Variants in GSG1L observed in about 807,000 individuals in gnomAD.
GSG1L encodes the protein germ cell-specific gene 1-like protein.
In GSG1L, 24 loss-of-function variants were observed where a neutral mutation model predicts 42.1. That is an observed-to-expected ratio of 0.57 (90% CI 0.41 to 0.80). The LOEUF (loss-of-function observed/expected upper bound fraction) is 0.80, where lower values mean the gene tolerates loss of function less well. GSG1L is among the 30% of genes least tolerant of loss of function. The probability of loss-of-function intolerance (pLI) is 0.00; values close to 1 mark genes in which losing one functional copy is unlikely to be tolerated. For synonymous variants in GSG1L, 215 were observed against 203.5 expected (o/e 1.06, Z -0.48); for missense variants, 445 against 472.2 (o/e 0.94, Z 0.53).
At chr16:28,008,222 G>T (rs573202841) in intron 1 of GSG1L, among the ~76,000 whole-genome samples, 4 of 152,246 alleles carry the variant, frequency 2.6e-5, no homozygotes, top group Admixed American at 2.0e-4. Context: ...TGGGACTACA[G>T]GTGTGCACCA....
At chr16:27,962,081 T>C (rs1205901411) in intron 2 of GSG1L, among the ~76,000 whole-genome samples, 1 of 152,196 alleles carries the variant, frequency 6.6e-6, no homozygotes. Context: ...TGTTTCACTC[T>C]TGGCAGCCTA....
intron 3 of GSG1L, among the ~76,000 whole-genome samples, chr16:27,861,585 A>G (rs2083652687): frequency 6.6e-6 from 1 of 152,096 alleles, no homozygotes; most frequent in South Asian, 2.1e-4. Flanking sequence ...AGAGCATTGG[A>G]AACACCCTGA....
intron 1 of GSG1L, among the ~76,000 whole-genome samples, chr16:28,013,823 G>A (rs1947113311): frequency 6.6e-6 from 1 of 152,238 alleles, no homozygotes; most frequent in African/African-American, 2.4e-5. Flanking sequence ...AGGAGGCATG[G>A]CCATGCAAAG....
intron 1 of GSG1L, among the ~76,000 whole-genome samples, chr16:27,968,615 C>A (rs2085159815): frequency 6.6e-6 from 1 of 152,088 alleles, no homozygotes; most frequent in Non-Finnish European, 1.5e-5. Flanking sequence ...GGCCCAAGAC[C>A]TTTATAGAAG....
chr16:27,961,628 C>T (rs960446157), intron 2 of GSG1L, among the ~76,000 whole-genome samples: 11 of 152,264 alleles, frequency 7.2e-5, no homozygotes, highest in Non-Finnish European at 1.2e-4. Context: ...GCACTGTATC[C>T]GGCACATAGT....
intron 2 of GSG1L, among the ~76,000 whole-genome samples, chr16:27,910,046 A>G (rs1596606009): frequency 7.6e-6 from 1 of 131,416 alleles, no homozygotes; most frequent in African/African-American, 2.9e-5. Context: ...TGCAACCTCC[A>G]CCTCCCAGGT....
chr16:27,985,170 C>G (rs944506333), intron 1 of GSG1L, among the ~76,000 whole-genome samples: 5 of 152,106 alleles, frequency 3.3e-5, no homozygotes, highest in Non-Finnish European at 7.3e-5. Context: ...TCCTGTGCCC[C>G]TGAGACCCTG....
chr16:27,998,260 T>C (rs1470208282), intron 1 of GSG1L: 1 of 152,214 alleles, frequency 6.6e-6, no homozygotes, highest in Non-Finnish European at 1.5e-5. Context: ...AGAGTCTGGT[T>C]TTCTATTCCA....
At chr16:28,013,529 C>A (rs557318934) in intron 1 of GSG1L, among the ~76,000 whole-genome samples, 1 of 152,158 alleles carries the variant, frequency 6.6e-6, no homozygotes, top group Non-Finnish European at 1.5e-5. Flanking sequence ...TGTTACTAGA[C>A]CCTGTTGCCC....
chr16:28,035,513 A>C (rs1459473095), intron 1 of GSG1L, among the ~76,000 whole-genome samples: 1 of 152,188 alleles, frequency 6.6e-6, no homozygotes, highest in African/African-American at 2.4e-5. Context: ...CATGTACCCC[A>C]TCACAAGAGC....
intron 1 of GSG1L, among the ~76,000 whole-genome samples, chr16:28,053,830 C>T (rs2086247328): frequency 6.6e-6 from 1 of 152,202 alleles, no homozygotes; most frequent in South Asian, 2.1e-4. Context: ...TGTCTCATTG[C>T]TGCTCTCTGC....
chr16:27,956,162 A>C lies in GSG1L; in HGVS notation c.397+6994T>G, dbSNP rs114479320. On this transcript the variant is annotated intron_variant, in intron 2 of 6. Transcript: ENST00000447459. ...ATAGTTGGTTAATCTGGAAGGTTTCATGACTGTTAATAGTTATATATTTTT... is the reference window on the plus strand; with the variant it reads ...ATAGTTGGTTAATCTGGAAGGTTTCCTGACTGTTAATAGTTATATATTTTT... Among the ~76,000 whole-genome samples, 875 of 152,360 alleles carry C rather than the reference A, an allele frequency of 5.7e-3. 6 individuals are homozygous for C. Among genetic ancestry groups the C allele is most frequent in the African/African-American group, 0.02 (832 of 41,592 alleles).
intron 6 of GSG1L, among the ~76,000 whole-genome samples, chr16:27,802,089 T>A (rs999035131): frequency 1.3e-5 from 2 of 151,992 alleles, no homozygotes; most frequent in Non-Finnish European, 1.5e-5. Flanking sequence ...TCATCCTGAG[T>A]GGGATGAGGC....
rs1168789021 is a variant in GSG1L at position 27,812,973 on chromosome 16, T to A, written c.831-5419A>T. On this transcript the variant is annotated intron_variant, in intron 5 of 6. Coordinates refer to ENST00000447459, the MANE Select transcript of GSG1L (RefSeq NM_001109763.2). ...TTTTGTAGTTTTAGTAGAGACGGGG[T>A]TTCACCATGCTGCCCAGGCTGGTCT... Among the ~76,000 whole-genome samples the A allele has an allele frequency of 3.3e-5, 5 of 151,824 alleles. No individual in the cohort carries two copies. The South Asian group carries it at 1.0e-3, about 32-fold the overall frequency.
At chr16:27,873,446 C>T (rs2083847916) in intron 3 of GSG1L, among the ~76,000 whole-genome samples, 1 of 152,140 alleles carries the variant, frequency 6.6e-6, no homozygotes, top group African/African-American at 2.4e-5. Context: ...TGTTACCTTC[C>T]AAAATCTAAA....
intron 4 of GSG1L, among the ~76,000 whole-genome samples, chr16:27,838,637 C>T (rs773673528): frequency 6.6e-6 from 1 of 152,178 alleles, no homozygotes; most frequent in Non-Finnish European, 1.5e-5. Flanking sequence ...ACTCCAGGCC[C>T]TGCCCAGTGG....
At chr16:28,006,187 C>T (rs1001257177) in intron 1 of GSG1L, among the ~76,000 whole-genome samples, 3 of 152,180 alleles carry the variant, frequency 2.0e-5, no homozygotes, top group Non-Finnish European at 4.4e-5. Context: ...GGACCTCTGT[C>T]CTACCATCTG....
At chr16:27,807,668 A>G in intron 5 of GSG1L, 114 bp from the exon 6 acceptor site, 1 of 852,756 alleles carries the variant, frequency 1.2e-6, no homozygotes, top group Non-Finnish European at 1.8e-6. Flanking sequence ...AATATTTTGC[A>G]AAGTAACTTT....
At chr16:28,014,288 A>C (rs2085755907) in intron 1 of GSG1L, among the ~76,000 whole-genome samples, 1 of 152,012 alleles carries the variant, frequency 6.6e-6, no homozygotes. Context: ...ACATACTAAT[A>C]AACAGTTATT....
Sources: allele counts gnomAD v4.1 joint callset (sites outside exome capture counted in the v4.1 genomes callset), GRCh38; gene constraint gnomAD v4.1.1; transcripts MANE v1.5; gene names NCBI Gene and HGNC (gene_info 2026-07-23, HGNC 2026-07-21).